RYR3: variants seen among roughly 807,000 people sequenced by gnomAD.
RYR3 encodes the protein ryanodine receptor 3, also known as brain ryanodine receptor-calcium release channel.
In RYR3, 207 loss-of-function variants were observed where a neutral mutation model predicts 584.3. The ratio of observed to expected loss-of-function variants is 0.35; its 90% CI spans 0.32 to 0.40. RYR3 has a LOEUF of 0.40. Ranked by LOEUF, RYR3 falls within the 10% of genes least tolerant of loss-of-function variation. The probability of loss-of-function intolerance (pLI) is 1.00; values close to 1 mark genes in which losing one functional copy is unlikely to be tolerated. For missense variants in RYR3, 5,616 were observed against 6,089.2 expected, an observed-to-expected ratio of 0.92 and a Z score of 2.59; for synonymous variants, 2,416 against 2,248.5, an observed-to-expected ratio of 1.07 and a Z score of -2.11.
At chr15:33,713,109 A>G (rs563084890) in intron 43 of RYR3, among the ~76,000 whole-genome samples, 1 of 152,306 alleles carries the variant, frequency 6.6e-6, no homozygotes, top group South Asian at 2.1e-4. Flanking sequence ...GGACTTTCTG[A>G]ATACCTTTGT....
At position 33,859,745 on chromosome 15, in the gene RYR3, T is replaced by C. The variant is rs527588011; in HGVS notation, c.14299+14T>C. ...CCATCATTCAAGGTATGATTGCCAA[T>C]TGTGTTGAGTATGAACAGGGTTTAA... On this transcript the variant is annotated intron_variant, in intron 100 of 103. Transcript: ENST00000634891. 6.8e-5 allele frequency: 108 copies of C among 1,598,782 alleles called. No homozygotes were observed. In the South Asian group the frequency reaches 1.0e-3, roughly 15 times the overall value.
At chr15:33,433,113 ATTG>A (rs1162621266) in intron 1 of RYR3, among the ~76,000 whole-genome samples, 9 of 152,024 alleles carry the variant, frequency 5.9e-5, no homozygotes, top group South Asian at 2.1e-4. Context: ...TCTCCAAATC[ATTG>A]TTATCTGCTG....
intron 23 of RYR3, 64 bp downstream of exon 23, chr15:33,631,357 A>C: frequency 9.1e-7 from 1 of 1,104,830 alleles, no homozygotes; most frequent in Non-Finnish European, 1.3e-6. Flanking sequence ...TTAATCCAGG[A>C]GGGTGGTACC....
At chr15:33,399,211 C>T (rs2042477800) in intron 1 of RYR3, among the ~76,000 whole-genome samples, 1 of 152,144 alleles carries the variant, frequency 6.6e-6, no homozygotes, top group Admixed American at 6.5e-5. Context: ...CATTGTAAGA[C>T]TCATATGACA....
At chr15:33,854,028 CTAA>C (rs919013100) in intron 96 of RYR3, among the ~76,000 whole-genome samples, 2 of 151,994 alleles carry the variant, frequency 1.3e-5, no homozygotes, top group South Asian at 2.1e-4. Flanking sequence ...CCCGTCTCTA[CTAA>C]TAATATTTTT....
At chr15:33,778,695 T>C (rs910966545) in intron 64 of RYR3, among the ~76,000 whole-genome samples, 3 of 152,200 alleles carry the variant, frequency 2.0e-5, no homozygotes, top group African/African-American at 7.2e-5. Context: ...CTGGGCAGCA[T>C]TGATACACAG....
chr15:33,769,339 C>T (rs2073377830), intron 62 of RYR3, among the ~76,000 whole-genome samples, 167 bp downstream of exon 62: 1 of 152,232 alleles, frequency 6.6e-6, no homozygotes, highest in Non-Finnish European at 1.5e-5. Flanking sequence ...TCTCAGTTCA[C>T]ATAACGAGAG....
intron 85 of RYR3, among the ~76,000 whole-genome samples, chr15:33,828,153 A>G (rs1338362064): frequency 6.6e-6 from 1 of 152,128 alleles, no homozygotes; most frequent in Admixed American, 6.6e-5. Context: ...TACTATTGTA[A>G]TTGTTTTGGG....
chr15:33,696,625 A>G, intron 39 of RYR3, 134 bp downstream of exon 39: 1 of 934,702 alleles, frequency 1.1e-6, no homozygotes. Context: ...TTCACTCCTC[A>G]TGGAGTCATA....
At chr15:33,699,396 CA>C (rs2066128239) in intron 40 of RYR3, among the ~76,000 whole-genome samples, 1 of 151,676 alleles carries the variant, frequency 6.6e-6, no homozygotes, top group African/African-American at 2.4e-5. Flanking sequence ...CTCTCTCTCT[CA>C]TCTCTCTCTG....
chr15:33,615,599 T>G (rs2060409245), intron 19 of RYR3, among the ~76,000 whole-genome samples: 1 of 152,228 alleles, frequency 6.6e-6, no homozygotes, highest in African/African-American at 2.4e-5. Context: ...AGTAAAGCTT[T>G]ACTGAGGTTG....
intron 69 of RYR3, among the ~76,000 whole-genome samples, chr15:33,805,089 A>G (rs2076112888): frequency 6.6e-6 from 1 of 152,202 alleles, no homozygotes; most frequent in Admixed American, 6.5e-5. Context: ...ACCAGTTTGC[A>G]AATGTATGTT....
At position 33,649,625 on chromosome 15, in the gene RYR3, C is replaced by A. The variant is rs79575464; in HGVS notation, c.4142+390C>A. Among the ~76,000 whole-genome samples, 744 of 152,326 alleles carry A rather than the reference C, an allele frequency of 4.9e-3. 9 individuals are homozygous for A. The highest frequency in any genetic ancestry group is 0.017 in the African/African-American group (713 of 41,570). On this transcript the variant is annotated intron_variant, in intron 31 of 103. Coordinates refer to ENST00000634891, the MANE Select transcript of RYR3 (RefSeq NM_001036.6). Reference sequence around the variant, plus strand: ...AAATAAAAAGATATACCACATCACACACTAACTGATATACTCAGAACTCCT... The same window carrying A: ...AAATAAAAAGATATACCACATCACAAACTAACTGATATACTCAGAACTCCT...
intron 19 of RYR3, among the ~76,000 whole-genome samples, chr15:33,622,602 A>G (rs987199617): frequency 3.3e-5 from 5 of 152,244 alleles, no homozygotes; most frequent in African/African-American, 1.2e-4. Flanking sequence ...AATCCCCAGT[A>G]CAAAAGCAAG....
chr15:33,398,258 T>G (rs2042415641), intron 1 of RYR3, among the ~76,000 whole-genome samples: 1 of 152,230 alleles, frequency 6.6e-6, no homozygotes, highest in South Asian at 2.1e-4. Context: ...GCAAAGTTGC[T>G]AAGTTTTTAT....
intron 38 of RYR3, among the ~76,000 whole-genome samples, chr15:33,687,870 C>G (rs2065127480): frequency 6.6e-6 from 1 of 152,160 alleles, no homozygotes; most frequent in South Asian, 2.1e-4. Context: ...ATGTAGAAAG[C>G]TGAAACTGGA....
chr15:33,746,059 T>C lies in RYR3; in HGVS notation c.7900-9T>C. On this transcript the variant is annotated splice_polypyrimidine_tract_variant and intron_variant, in intron 52 of 103. Transcript: ENST00000634891. The stretch of plus-strand genomic sequence containing the variant: ...GCCAAGGATATTTGAACTGAGAACA[T>C]TTCTACAGAGTCAGAGTGGATGGAA... 2 of 1,575,772 alleles carry C rather than the reference T, an allele frequency of 1.3e-6. No individual in the cohort carries two copies.
chr15:33,373,887 T>A (rs183693701), intron 1 of RYR3, among the ~76,000 whole-genome samples: 70 of 152,300 alleles, frequency 4.6e-4, no homozygotes, highest in African/African-American at 1.4e-3. Context: ...TAAGTTTTTT[T>A]AAATATGTTG....
Position 33,334,842 on chromosome 15 carries a change from A to AC in RYR3, c.51+23746_51+23747insC, listed in dbSNP as rs964480460. 1.6e-4 allele frequency among the ~76,000 whole-genome samples: 25 copies of AC among 151,810 alleles called. No individual in the cohort carries two copies. In the East Asian group the frequency reaches 2.3e-3, roughly 14 times the overall value. On this transcript the variant is annotated intron_variant, in intron 1 of 103. Coordinates refer to ENST00000634891, the MANE Select transcript of RYR3 (RefSeq NM_001036.6). ...TAAACAAATTGACAAGAAAAAAAAA[A>AC]AACCCCATTAAACAGTGGGCAAAGC...
Sources: allele counts gnomAD v4.1 joint callset (sites outside exome capture counted in the v4.1 genomes callset), GRCh38; gene constraint gnomAD v4.1.1; transcripts MANE v1.5; gene names NCBI Gene and HGNC (gene_info 2026-07-23, HGNC 2026-07-21).